NUP107: variants seen among roughly 807,000 people sequenced by gnomAD.
The protein encoded by NUP107 is nuclear pore complex protein Nup107.
A neutral mutation model predicts 141.0 loss-of-function variants in NUP107; 101 were observed. The ratio of observed to expected loss-of-function variants is 0.72; its 90% CI spans 0.61 to 0.84. The LOEUF (loss-of-function observed/expected upper bound fraction) is 0.84. Among genes scored for constraint, NUP107 ranks in the 40% least tolerant of loss-of-function variants. The pLI, the probability that NUP107 is intolerant of heterozygous loss-of-function variation, is 0.00. For missense variants in NUP107, 941 were observed against 1,102.7 expected (o/e 0.85, Z 2.08); for synonymous variants, 319 against 363.9 (o/e 0.88, Z 1.41).
chr12:68,740,491 C>T (rs1878279557), intron 26 of NUP107, among the ~76,000 whole-genome samples: 2 of 152,126 alleles, frequency 1.3e-5, no homozygotes, highest in South Asian at 4.1e-4. Context: ...GGAAACCTGA[C>T]CTAGATTAGC....
intron 1 of NUP107, chr12:68,687,683 A>G (rs1875564519): frequency 2.0e-6 from 2 of 980,106 alleles, no homozygotes; most frequent in South Asian, 4.7e-5. Context: ...TCTTTGAATA[A>G]TAAGAGTACA....
intron 8 of NUP107, chr12:68,705,947 T>C (rs1876558565): frequency 1.1e-6 from 1 of 909,670 alleles, no homozygotes; most frequent in Non-Finnish European, 1.9e-6. Flanking sequence ...TTTGCCTCCT[T>C]CATTGACAAG....
At chr12:68,699,892 GTGTTTTTGTTTT>G (rs950613861) in intron 6 of NUP107, among the ~76,000 whole-genome samples, 9 of 151,950 alleles carry the variant, frequency 5.9e-5, no homozygotes, top group African/African-American at 1.2e-4. Context: ...TCCTGAAAAG[GTGTTTTTGTTTT>G]TGTTTTTGTT....
At chr12:68,731,762 A>T in intron 22 of NUP107, 43 bp downstream of exon 22, 1 of 1,061,970 alleles carries the variant, frequency 9.4e-7, no homozygotes. Context: ...AACTTCTAAT[A>T]ATCTTTTATG....
intron 12 of NUP107, among the ~76,000 whole-genome samples, chr12:68,717,537 T>C (rs1007201506): frequency 6.6e-6 from 1 of 152,136 alleles, no homozygotes; most frequent in Non-Finnish European, 1.5e-5. Flanking sequence ...TGTGCCATTT[T>C]AATCATTTAA....
intron 17 of NUP107, among the ~76,000 whole-genome samples, chr12:68,725,376 T>C (rs961204700): frequency 6.6e-6 from 1 of 152,226 alleles, no homozygotes. Context: ...TAGTTTATTT[T>C]GCTTAGGTCA....
In NUP107 at chr12:68,721,041, A is replaced by G. The variant is rs188556570; in HGVS notation, c.1252-77A>G. The G allele has an allele frequency of 5.5e-4, 522 of 948,096 alleles. 12 individuals carry two copies. In the East Asian group the frequency reaches 0.013, roughly 23 times the overall value. The allele number at this position is 948,096 out of a possible 1,614,324, so 58.7% of individuals were successfully genotyped here. A position where few individuals can be genotyped will look rare whatever the true frequency, so the allele number is the denominator to read the frequency against. On this transcript the variant is annotated intron_variant, in intron 14 of 27. Transcript: ENST00000229179. Reference sequence around the variant, plus strand: ...TAGGTTCAGTCTAGAAGAGTTTGCAAGACTCCACATTATGAGGAAAATTGA... The same window carrying G: ...TAGGTTCAGTCTAGAAGAGTTTGCAGGACTCCACATTATGAGGAAAATTGA...
intron 7 of NUP107, 110 bp downstream of exon 7, chr12:68,700,963 T>C: frequency 9.5e-7 from 1 of 1,049,560 alleles, no homozygotes; most frequent in South Asian, 1.9e-5. Flanking sequence ...TTTGCTATTT[T>C]TGATGCTTAT....
At chr12:68,705,649 AC>A in intron 8 of NUP107, 1 of 576,868 alleles carries the variant, frequency 1.7e-6, no homozygotes, top group South Asian at 1.5e-5. Flanking sequence ...CATCAGAGTG[AC>A]CCAGAAGTCC....
chr12:68,742,295 T>G, intron 27 of NUP107, 60 bp from the exon 28 acceptor site: 1 of 1,092,938 alleles, frequency 9.1e-7, no homozygotes, highest in Non-Finnish European at 1.4e-6. Context: ...ATTAGGTAAC[T>G]AAGTTCATAC....
At position 68,731,244 on chromosome 12, in the gene NUP107, G is replaced by A. The variant is rs774324097; in HGVS notation, c.1869G>A (p.Glu623=). Residue 623 remains glutamate (E), a synonymous_variant, in exon 21 of 28, where the codon GAG becomes GAA. Transcript: ENST00000229179. ...TTGAACAGCGCCACCATTGCCTGGA[G>A]TTGGCTAAAGAAGCAGGTAAAAATG... ...TEFEQRHHCL[E]LAKEADLDVA... The A allele has an allele frequency of 1.3e-6, 2 of 1,599,208 alleles. No homozygotes were observed. The highest frequency in any genetic ancestry group is 1.7e-6 in the Non-Finnish European group (2 of 1,175,000).
chr12:68,701,605 C>G (rs1008003154), intron 7 of NUP107, among the ~76,000 whole-genome samples: 1 of 151,792 alleles, frequency 6.6e-6, no homozygotes, highest in Non-Finnish European at 1.5e-5. Flanking sequence ...TCGCTTGAAC[C>G]TCGGAGGCAG....
At position 68,688,997 on chromosome 12, in the gene NUP107, G is replaced by A. The variant is rs1341739376; in HGVS notation, c.44G>A (p.Arg15Gln). Reference sequence around the variant, plus strand: ...GGAGAGATATCATCCCCTGTAATCCGGGAGGCAGAGGTGACACGGACTGCA... The same window carrying A: ...GGAGAGATATCATCCCCTGTAATCCAGGAGGCAGAGGTGACACGGACTGCA... ...GFGEISSPVI[R>Q]EAEVTRTARK... is the part of the protein sequence containing the mutation. The change falls in exon 2 of 28, where the codon CGG becomes CAG. Residue 15 changes from arginine (R) to glutamine (Q), a missense_variant. Coordinates refer to ENST00000229179, the MANE Select transcript of NUP107 (RefSeq NM_020401.4). 5.0e-6 allele frequency: 8 copies of A among 1,613,458 alleles called. No individual in the cohort carries two copies. The highest frequency in any genetic ancestry group is 5.9e-6 in the Non-Finnish European group (7 of 1,179,722).
chr12:68,732,580 A>T (rs1399050362), intron 22 of NUP107, 57 bp from the exon 23 acceptor site: 2 of 1,035,878 alleles, frequency 1.9e-6, no homozygotes, highest in Admixed American at 2.4e-5. Flanking sequence ...TTTGTAGAAT[A>T]TCTTTAAAAA....
At chr12:68,694,180 C>T (rs930151163) in intron 5 of NUP107, among the ~76,000 whole-genome samples, 1 of 152,126 alleles carries the variant, frequency 6.6e-6, no homozygotes, top group African/African-American at 2.4e-5. Context: ...AACAGGTACT[C>T]GTATTAAGTG....
At chr12:68,732,581 T>G in intron 22 of NUP107, 56 bp from the exon 23 acceptor site, 1 of 1,053,832 alleles carries the variant, frequency 9.5e-7, no homozygotes, top group South Asian at 1.5e-5. Context: ...TTGTAGAATA[T>G]CTTTAAAAAA....
chr12:68,734,391 A>G (rs1877973793), intron 24 of NUP107, among the ~76,000 whole-genome samples: 1 of 152,262 alleles, frequency 6.6e-6, no homozygotes, highest in South Asian at 2.1e-4. Context: ...CTTGCCCTCT[A>G]AAAACTAATA....
chr12:68,738,309 G>T (rs1442082656), intron 26 of NUP107, among the ~76,000 whole-genome samples: 1 of 151,554 alleles, frequency 6.6e-6, no homozygotes, highest in Admixed American at 6.6e-5. Context: ...AATTAGCCGG[G>T]TGTGGTGGCT....
intron 8 of NUP107, among the ~76,000 whole-genome samples, chr12:68,705,030 G>C (rs556180338): frequency 6.6e-6 from 1 of 151,982 alleles, no homozygotes; most frequent in Admixed American, 6.6e-5. Flanking sequence ...CTACAGGTGT[G>C]TACCACCATG....
Sources: allele counts gnomAD v4.1 joint callset (sites outside exome capture counted in the v4.1 genomes callset), GRCh38; gene constraint gnomAD v4.1.1; transcripts MANE v1.5; gene names NCBI Gene and HGNC (gene_info 2026-07-23, HGNC 2026-07-21).